Variants in RAB3B observed in about 807,000 individuals in gnomAD.
The protein encoded by RAB3B is RAB3B, member RAS oncogene family.
Under a neutral mutation model 20.5 loss-of-function variants are expected in RAB3B, and 11 were observed. The ratio of observed to expected loss-of-function variants is 0.54; its 90% confidence interval spans 0.34 to 0.89. The LOEUF is 0.89. Ranked by LOEUF, RAB3B falls within the 40% of genes least tolerant of loss-of-function variation. RAB3B has a pLI of 0.02. For synonymous variants in RAB3B, 99 were observed against 106.3 expected, an observed-to-expected ratio of 0.93 and a Z score of 0.42; for missense variants, 225 against 280.9, an observed-to-expected ratio of 0.80 and a Z score of 1.42.
At chr1:51,966,193 C>T (rs1368615757) in intron 2 of RAB3B, among the ~76,000 whole-genome samples, 2 of 152,232 alleles carry the variant, frequency 1.3e-5, no homozygotes, top group Non-Finnish European at 2.9e-5. Context: ...CTGTAAAGCT[C>T]TTACTCTACA....
At position 51,954,289 on chromosome 1, in the gene RAB3B, G is replaced by A. The variant is rs116681505; in HGVS notation, c.229-16877C>T. 3.7e-3 allele frequency among the ~76,000 whole-genome samples: 564 copies of A among 152,232 alleles called. 2 individuals carry two copies. Among genetic ancestry groups the A allele is most frequent in the African/African-American group, 0.013 (537 of 41,536 alleles). ...AAGATTTTCTAACAATGTTAGCTAC[G>A]CTTATGTTATAATGCTATGTTTAAT... On this transcript the variant is annotated intron_variant, in intron 2 of 4. Transcript: ENST00000371655.
At chr1:51,976,562 C>A (rs995251498) in intron 2 of RAB3B, among the ~76,000 whole-genome samples, 2 of 152,156 alleles carry the variant, frequency 1.3e-5, no homozygotes, top group Non-Finnish European at 2.9e-5. Flanking sequence ...AGAAGTTAAG[C>A]AATTCAGTCA....
Position 51,910,144 on chromosome 1 carries a change from G to A in RAB3B, c.*9783C>T, listed in dbSNP as rs1683976759. On this transcript the variant is annotated 3_prime_UTR_variant, in exon 5 of 5. Coordinates refer to ENST00000371655, the MANE Select transcript of RAB3B (RefSeq NM_002867.4). The stretch of plus-strand genomic sequence containing the variant: ...CCAGGTCTGTCAGACTGTAAGCCCT[G>A]TAGGCTTAACTATTCTGCCTTATGA... 1 of 152,180 alleles carries A rather than the reference G, an allele frequency of 6.6e-6. No individual in the cohort carries two copies. Among genetic ancestry groups the A allele is most frequent in the South Asian group, 2.1e-4 (1 of 4,832 alleles). The allele number at this position is 152,180 out of a possible 1,614,324, so 9.4% of individuals were successfully genotyped here.
chr1:51,931,648 G>A (rs930639464), intron 4 of RAB3B, among the ~76,000 whole-genome samples: 1 of 152,116 alleles, frequency 6.6e-6, no homozygotes, highest in African/African-American at 2.4e-5. Context: ...GGAACTTTCG[G>A]GAGACAGACA....
chr1:51,970,342 CCT>C (rs1684911714), intron 2 of RAB3B, among the ~76,000 whole-genome samples: 1 of 152,114 alleles, frequency 6.6e-6, no homozygotes, highest in Non-Finnish European at 1.5e-5. Flanking sequence ...TACCAAGTCT[CCT>C]CTCACACCTG....
rs779381327 is a variant in RAB3B, at chr1:51,976,985, C to T, written c.133G>A (p.Asp45Asn). 2.5e-6 allele frequency: 4 copies of T among 1,614,088 alleles called. No homozygotes were observed. In the African/African-American group the frequency reaches 4.0e-5, roughly 16 times the overall value. Residue 45 changes from aspartate to asparagine, a missense_variant, in exon 2 of 5, where the codon GAC becomes AAC. Physicochemically the swap from Asp to Asn is conservative, Grantham distance 23 (BLOSUM62 1). Coordinates refer to ENST00000371655, the MANE Select transcript of RAB3B (RefSeq NM_002867.4). ...KTSFLFRYAD[D>N]TFTPAFVSTV... Reference sequence around the variant, plus strand: ...CTAACGAAGGCTGGGGTGAACGTGTCATCAGCATAGCGGAAGAGGAAGGAG... The same window carrying T: ...CTAACGAAGGCTGGGGTGAACGTGTTATCAGCATAGCGGAAGAGGAAGGAG...
rs1397366607 is a variant in RAB3B at position 51,913,169 on chromosome 1, C to G, written c.*6758G>C. 6.6e-6 allele frequency: 1 copy of G among 152,128 alleles called. No individual in the cohort carries two copies. Among genetic ancestry groups the G allele is most frequent in the Non-Finnish European group, 1.5e-5 (1 of 68,038 alleles). 9.4% of individuals were successfully genotyped at this position (152,128 alleles called of 1,614,324 possible). Reference sequence around the variant, plus strand: ...GTGAAATGAGAAGTCAGATTCATCCCTCGGGGATAGCTAAGAGGTATCCAA... The same window carrying G: ...GTGAAATGAGAAGTCAGATTCATCCGTCGGGGATAGCTAAGAGGTATCCAA... On this transcript the variant is annotated 3_prime_UTR_variant, in exon 5 of 5. Transcript: ENST00000371655.
chr1:51,967,284 G>C (rs1202387714), intron 2 of RAB3B, among the ~76,000 whole-genome samples: 1 of 151,904 alleles, frequency 6.6e-6, no homozygotes, highest in African/African-American at 2.4e-5. Flanking sequence ...TGGCACTCCA[G>C]CCTGGGCAAC....
chr1:51,933,325 C>T lies in RAB3B; in HGVS notation c.465G>A (p.Glu155=). The change falls in exon 4 of 5, where the codon GAG becomes GAA. Residue 155 remains glutamate (E), a synonymous_variant. Transcript: ENST00000371655. ...VPTEKGQLLA[E]QLGFDFFEAS... is the part of the protein sequence containing the mutation. ...CATGTGTCATGTACATACCAAGCTG[C>T]TCTGCAAGGAGCTGGCCCTTCTCAG... 1 of 1,613,942 alleles carries T rather than the reference C, an allele frequency of 6.2e-7. No homozygotes were observed.
intron 2 of RAB3B, among the ~76,000 whole-genome samples, chr1:51,972,489 CTTTTTTT>C (rs1160625371): frequency 2.1e-4 from 28 of 130,872 alleles, no homozygotes; most frequent in Admixed American, 1.2e-3. Context: ...TTTCTTTTTT[CTTTTTTT>C]TTTTTTTTTT....
chr1:51,934,131 G>A (rs1422430328), intron 3 of RAB3B, among the ~76,000 whole-genome samples: 1 of 152,176 alleles, frequency 6.6e-6, no homozygotes, highest in Non-Finnish European at 1.5e-5. Context: ...ATGTGATCAA[G>A]TCCAGATTCC....
At chr1:51,957,302 C>T (rs542934642) in intron 2 of RAB3B, among the ~76,000 whole-genome samples, 54 of 152,300 alleles carry the variant, frequency 3.5e-4, no homozygotes, top group South Asian at 8.3e-4. Flanking sequence ...CACTTCTGTC[C>T]TTATCACATC....
chr1:51,956,940 C>A lies in RAB3B; in HGVS notation c.229-19528G>T, dbSNP rs146431012. On this transcript the variant is annotated intron_variant, in intron 2 of 4. Transcript: ENST00000371655. ...AGACCCGAGCCAGAAAGTCAAACTT[C>A]ACAGCCTTCCTAACTTCTCTTCTAT... 3.1e-4 allele frequency among the ~76,000 whole-genome samples: 47 copies of A among 152,356 alleles called. No homozygotes were observed. In the East Asian group the frequency reaches 8.9e-3, roughly 29 times the overall value.
chr1:51,971,010 C>CAAAA (rs3074914), intron 2 of RAB3B, among the ~76,000 whole-genome samples: 355 of 52,668 alleles, frequency 6.7e-3, no homozygotes, highest in Non-Finnish European at 9.0e-3. Context: ...GACTCCGTCT[C>CAAAA]AAAAAAAAAA....
At chr1:51,981,834 A>T (rs969104427) in intron 1 of RAB3B, among the ~76,000 whole-genome samples, 1 of 152,194 alleles carries the variant, frequency 6.6e-6, no homozygotes, top group African/African-American at 2.4e-5. Flanking sequence ...GGTGTAAACA[A>T]ACCTACTGCA....
At chr1:51,950,219 C>G (rs1052718083) in intron 2 of RAB3B, among the ~76,000 whole-genome samples, 1 of 152,236 alleles carries the variant, frequency 6.6e-6, no homozygotes, top group Non-Finnish European at 1.5e-5. Flanking sequence ...TCATCCAGAA[C>G]CAGCAGCAGT....
intron 1 of RAB3B, among the ~76,000 whole-genome samples, chr1:51,989,103 G>GCGCACGCACACACACA (rs377673682): frequency 7.5e-6 from 1 of 132,676 alleles, no homozygotes; most frequent in African/African-American, 2.8e-5. Flanking sequence ...CTGTGCGCGC[G>GCGCACGCACACACACA]CACACACACA....
intron 4 of RAB3B, among the ~76,000 whole-genome samples, chr1:51,931,705 G>A (rs943752751): frequency 6.6e-6 from 1 of 151,674 alleles, no homozygotes; most frequent in Non-Finnish European, 1.5e-5. Flanking sequence ...ACTCTTTTAC[G>A]TATGGGGTGC....
At chr1:51,967,515 C>CTTTTCCTTTTTTTTTTT in intron 2 of RAB3B, among the ~76,000 whole-genome samples, 1 of 16,436 alleles carries the variant, frequency 6.1e-5, no homozygotes, top group Non-Finnish European at 2.6e-4. Context: ...CTTTTCTTTT[C>CTTTTCCTTTTTTTTTTT]TTTTTCTTTT....
Sources: allele counts gnomAD v4.1 joint callset (sites outside exome capture counted in the v4.1 genomes callset), GRCh38; gene constraint gnomAD v4.1.1; transcripts MANE v1.5; gene names NCBI Gene and HGNC (gene_info 2026-07-23, HGNC 2026-07-21).